Variants in BICRA observed in about 807,000 individuals in gnomAD.
BICRA encodes the protein BRD4 interacting chromatin remodeling complex associated protein.
In BICRA, 31 loss-of-function variants were observed where a neutral mutation model predicts 96.9. The ratio of observed to expected loss-of-function variants is 0.32; its 90% confidence interval spans 0.24 to 0.43. The LOEUF (loss-of-function observed/expected upper bound fraction) is 0.43, where lower values mean the gene tolerates loss of function less well. Among genes scored for constraint, BICRA ranks in the 20% least tolerant of loss-of-function variants. The probability of loss-of-function intolerance (pLI) is 1.00; values close to 1 mark genes in which losing one functional copy is unlikely to be tolerated. For synonymous variants in BICRA, 1,350 were observed against 1,071.8 expected, an observed-to-expected ratio of 1.26 and a Z score of -5.07; for missense variants, 2,283 against 2,190.3, an observed-to-expected ratio of 1.04 and a Z score of -0.84.
Position 47,694,674 on chromosome 19 carries a change from C to T in BICRA, c.2843C>T (p.Thr948Ile), listed in dbSNP as rs1224822627. 16 of 1,596,788 alleles carry T rather than the reference C, an allele frequency of 1.0e-5. No individual in the cohort carries two copies. Among genetic ancestry groups the T allele is most frequent in the Non-Finnish European group, 1.4e-5 (16 of 1,167,730 alleles). ...PPPRTFQMVT[T>I]PFPALPQPKA... is the part of the protein sequence containing the mutation. ...CCTCGGACCTTCCAGATGGTGACCA[C>T]CCCCTTCCCAGCGCTGCCCCAGCCG... The change falls in exon 8 of 15, where the codon ACC becomes ATC. Residue 948 changes from threonine (T) to isoleucine (I), a missense_variant. By Grantham distance (89) the Thr-to-Ile change is moderately conservative. Coordinates refer to ENST00000594866, the MANE Select transcript of BICRA (RefSeq NM_001394372.1).
At chr19:47,692,656 C>T (rs1410672642) in intron 7 of BICRA, among the ~76,000 whole-genome samples, 2 of 152,310 alleles carry the variant, frequency 1.3e-5, no homozygotes, top group Admixed American at 6.5e-5. Flanking sequence ...CCAAGGACTG[C>T]GCCTCTCATC....
chr19:47,674,726 C>T (rs1972916219), intron 4 of BICRA, among the ~76,000 whole-genome samples: 1 of 152,172 alleles, frequency 6.6e-6, no homozygotes, highest in Admixed American at 6.5e-5. Context: ...CTCAGTTCCT[C>T]ACCACGGGGG....
chr19:47,644,338 T>A (rs1599809574), intron 1 of BICRA, among the ~76,000 whole-genome samples: 1 of 151,776 alleles, frequency 6.6e-6, no homozygotes, highest in East Asian at 1.9e-4. Context: ...ATTCACCAAC[T>A]TTTAATATTT....
At chr19:47,667,593 C>T (rs913582327) in intron 1 of BICRA, among the ~76,000 whole-genome samples, 9 of 152,084 alleles carry the variant, frequency 5.9e-5, no homozygotes, top group Admixed American at 1.3e-4. Context: ...ACAGGGCACC[C>T]GCATTCCAGA....
At chr19:47,634,030 A>G (rs369672403) in intron 1 of BICRA, among the ~76,000 whole-genome samples, 24 of 152,348 alleles carry the variant, frequency 1.6e-4, no homozygotes, top group African/African-American at 5.8e-4. Flanking sequence ...ATGTGAATGT[A>G]AATTCCGTTT....
chr19:47,658,551 G>C (rs1386338793), intron 1 of BICRA, among the ~76,000 whole-genome samples: 1 of 149,384 alleles, frequency 6.7e-6, no homozygotes, highest in Non-Finnish European at 1.5e-5. Flanking sequence ...AGGATTGCTT[G>C]AACCGGGGAG....
rs567059765 is a variant in BICRA at position 47,695,693 on chromosome 19, G to A, written c.3186+219G>A. Among the ~76,000 whole-genome samples the A allele has an allele frequency of 8.5e-5, 13 of 152,260 alleles. No individual in the cohort carries two copies. The South Asian group carries it at 2.7e-3, about 32-fold the overall frequency. ...TGAGGGAGAAACACGGAGACGGTGG[G>A]ACGGAGACGGCACCAAGACTACTGG... On this transcript the variant is annotated intron_variant, in intron 10 of 14. Coordinates refer to ENST00000594866, the MANE Select transcript of BICRA (RefSeq NM_001394372.1).
chr19:47,673,683 C>G lies in BICRA; in HGVS notation c.42-37C>G, dbSNP rs367816725. 4 of 1,574,794 alleles carry G rather than the reference C, an allele frequency of 2.5e-6. No individual in the cohort carries two copies. The African/African-American group carries it at 5.4e-5, about 21-fold the overall frequency. ...CCTCCCTTCCCTCCCCTCCCCAGCT[C>G]CTTACCTCCTCAGCGTCTCTTCCTC... On this transcript the variant is annotated intron_variant, in intron 3 of 14. Transcript: ENST00000594866.
intron 1 of BICRA, among the ~76,000 whole-genome samples, chr19:47,647,103 C>T (rs1180390448): frequency 2.6e-5 from 4 of 152,220 alleles, no homozygotes; most frequent in African/African-American, 4.8e-5. Flanking sequence ...CAAGGTCCCT[C>T]CGTGTGTGTC....
chr19:47,667,097 C>T (rs573377182), intron 1 of BICRA, among the ~76,000 whole-genome samples: 138 of 151,536 alleles, frequency 9.1e-4, no homozygotes, highest in Non-Finnish European at 1.6e-3. Flanking sequence ...CGGCTCACTG[C>T]AACCTCCGCC....
intron 1 of BICRA, among the ~76,000 whole-genome samples, chr19:47,641,093 T>C (rs1972379335): frequency 8.1e-6 from 1 of 122,978 alleles, no homozygotes; most frequent in Non-Finnish European, 1.8e-5. Flanking sequence ...TTTTTTTTTT[T>C]GTATTTTTAG....
At chr19:47,684,930 A>G (rs1022011565) in intron 7 of BICRA, among the ~76,000 whole-genome samples, 1 of 152,186 alleles carries the variant, frequency 6.6e-6, no homozygotes, top group African/African-American at 2.4e-5. Flanking sequence ...GCGCTCAGTG[A>G]ACAGACACTT....
intron 1 of BICRA, among the ~76,000 whole-genome samples, chr19:47,619,514 T>C (rs1035210100): frequency 2.0e-5 from 3 of 152,092 alleles, no homozygotes; most frequent in African/African-American, 7.2e-5. Context: ...CTGCTTTGGC[T>C]TCCCGAAGTG....
chr19:47,698,611 G>C lies in BICRA; in HGVS notation c.3249-23G>C. ...TCCCCCCCACCCTCCGCCGTGTGTGGTCTCTCCCCTTTCCACCCGCAGTTT... is the reference window on the plus strand; with the variant it reads ...TCCCCCCCACCCTCCGCCGTGTGTGCTCTCTCCCCTTTCCACCCGCAGTTT... On this transcript the variant is annotated intron_variant, in intron 11 of 14. Transcript: ENST00000594866. This position sits in a 1 kb window ranked among gnomAD's most constrained non-coding sequence, Gnocchi z 4.8. 8.0e-7 allele frequency: 1 copy of C among 1,243,020 alleles called. No individual in the cohort carries two copies. Among genetic ancestry groups the C allele is most frequent in the South Asian group, 1.2e-5 (1 of 81,926 alleles). The allele number at this position is 1,243,020 out of a possible 1,614,324, so 77.0% of individuals were successfully genotyped here. A position where few individuals can be genotyped will look rare whatever the true frequency, so the allele number is the denominator to read the frequency against.
At chr19:47,695,154 T>C (rs1973316045) in intron 9 of BICRA, 74 bp downstream of exon 9, 1 of 1,015,238 alleles carries the variant, frequency 9.8e-7, no homozygotes, top group Admixed American at 2.8e-5. Flanking sequence ...GCAGGGAGAA[T>C]GGGCTGGGGC....
intron 1 of BICRA, among the ~76,000 whole-genome samples, chr19:47,657,018 C>T (rs567878668): frequency 3.9e-5 from 6 of 152,130 alleles, no homozygotes; most frequent in Admixed American, 2.0e-4. Flanking sequence ...CCCACCACCA[C>T]GCCCAGCTAA....
intron 1 of BICRA, among the ~76,000 whole-genome samples, chr19:47,632,201 A>G (rs1281665280): frequency 6.6e-6 from 1 of 152,224 alleles, no homozygotes; most frequent in Non-Finnish European, 1.5e-5. Context: ...CTGGAAAAGG[A>G]ATTGCTGAGG....
intron 11 of BICRA, among the ~76,000 whole-genome samples, chr19:47,697,235 C>T (rs954834413): frequency 2.0e-5 from 3 of 151,928 alleles, no homozygotes; most frequent in Non-Finnish European, 4.4e-5. Context: ...CCACCTGCCT[C>T]GGCCTCCCAA....
chr19:47,639,357 C>T (rs1471250094), intron 1 of BICRA, among the ~76,000 whole-genome samples: 4 of 121,136 alleles, frequency 3.3e-5, no homozygotes, highest in South Asian at 2.8e-4. Context: ...GACAGAGTCT[C>T]GCTCTGTCTC....
Sources: allele counts gnomAD v4.1 joint callset (sites outside exome capture counted in the v4.1 genomes callset), GRCh38; gene constraint gnomAD v4.1.1; non-coding constraint Gnocchi (gnomAD v3.1); transcripts MANE v1.5; gene names NCBI Gene and HGNC (gene_info 2026-07-23, HGNC 2026-07-21).